DNAI3: variants seen among roughly 807,000 people sequenced by gnomAD.
The protein encoded by DNAI3 is WD repeat domain 63.
Under a neutral mutation model 115.5 loss-of-function variants are expected in DNAI3, and 83 were observed. That is an observed-to-expected ratio of 0.72 (90% CI 0.60 to 0.86). DNAI3 has a LOEUF of 0.86. Among genes scored for constraint, DNAI3 ranks in the 40% least tolerant of loss-of-function variants. The pLI, the probability that DNAI3 is intolerant of heterozygous loss-of-function variation, is 0.00. For missense variants in DNAI3, 1,004 were observed against 1,075.8 expected (o/e 0.93, Z 0.93); for synonymous variants, 320 against 347.0 (o/e 0.92, Z 0.86).
intron 7 of DNAI3, among the ~76,000 whole-genome samples, chr1:85,087,434 CAAA>C (rs1162431713): frequency 4.3e-5 from 2 of 46,654 alleles, no homozygotes; most frequent in African/African-American, 1.7e-4. Context: ...GACTCCATCT[CAAA>C]AAAAAAAAAA....
chr1:85,063,999 A>G (rs1231233303), intron 1 of DNAI3, among the ~76,000 whole-genome samples: 1 of 152,192 alleles, frequency 6.6e-6, no homozygotes, highest in Non-Finnish European at 1.5e-5. Flanking sequence ...TATACTCATC[A>G]TTACCTCACA....
intron 18 of DNAI3, among the ~76,000 whole-genome samples, chr1:85,123,587 T>C (rs1285569960): frequency 6.6e-6 from 1 of 152,234 alleles, no homozygotes; most frequent in Non-Finnish European, 1.5e-5. Flanking sequence ...GCCTACATGA[T>C]GCATCTCCAC....
chr1:85,104,439 C>T, intron 13 of DNAI3, 85 bp from the exon 14 acceptor site: 1 of 1,198,510 alleles, frequency 8.3e-7, no homozygotes, highest in Non-Finnish European at 1.2e-6. Flanking sequence ...CTTTTATTAA[C>T]ATTTAAAACA....
intron 17 of DNAI3, among the ~76,000 whole-genome samples, chr1:85,118,753 G>T (rs1176445203): frequency 6.6e-6 from 1 of 152,116 alleles, no homozygotes; most frequent in Non-Finnish European, 1.5e-5. Flanking sequence ...GCAGACACAT[G>T]ATAAACACCA....
chr1:85,121,694 A>T, intron 17 of DNAI3, 57 bp from the exon 18 acceptor site: 1 of 1,485,744 alleles, frequency 6.7e-7, no homozygotes, highest in Admixed American at 1.8e-5. Context: ...CATGAGTGTG[A>T]AGTCTTTTGT....
At chr1:85,104,138 T>G (rs76369742) in intron 13 of DNAI3, among the ~76,000 whole-genome samples, 47,277 of 142,196 alleles carry the variant, frequency 0.33, 7,971 homozygotes, top group East Asian at 0.42. Flanking sequence ...TTTTTTTTTT[T>G]GGGCTGGAGT....
At chr1:85,073,473 G>A (rs1214902445) in intron 3 of DNAI3, among the ~76,000 whole-genome samples, 2 of 152,170 alleles carry the variant, frequency 1.3e-5, no homozygotes, top group African/African-American at 4.8e-5. Flanking sequence ...AAGGAAAGAG[G>A]CTGGTTTTTA....
intron 17 of DNAI3, among the ~76,000 whole-genome samples, chr1:85,118,218 G>A (rs537835353): frequency 7.2e-5 from 11 of 152,200 alleles, no homozygotes; most frequent in African/African-American, 2.2e-4. Context: ...TAGTAGAAGA[G>A]ACAGAAAAAA....
At chr1:85,094,656 G>A in intron 10 of DNAI3, 101 bp downstream of exon 10, 1 of 1,376,204 alleles carries the variant, frequency 7.3e-7, no homozygotes, top group Non-Finnish European at 9.7e-7. Context: ...ATCATGTAAT[G>A]TTGTAAACAT....
In DNAI3 at chr1:85,104,448, C is replaced by T. The variant is rs1274653030; in HGVS notation, c.1480-76C>T. The stretch of plus-strand genomic sequence containing the variant: ...TATGTTCTTTTATTAACATTTAAAA[C>T]AAAGAAGAAAAGAATTTAAAAGGTA... On this transcript the variant is annotated intron_variant, in intron 13 of 22. Transcript: ENST00000294664. The T allele has an allele frequency of 1.2e-5, 15 of 1,288,816 alleles. No individual in the cohort carries two copies. In the East Asian group the frequency reaches 3.2e-4, roughly 28 times the overall value. The allele number at this position is 1,288,816 out of a possible 1,614,324, so 79.8% of individuals were successfully genotyped here.
chr1:85,121,624 T>A (rs1162099580), intron 17 of DNAI3, 127 bp from the exon 18 acceptor site: 98 of 816,604 alleles, frequency 1.2e-4, no homozygotes, highest in Non-Finnish European at 1.7e-4. Flanking sequence ...CTGGATCAAA[T>A]TACTTGATTA....
Position 85,117,766 on chromosome 1 carries a change from A to C in DNAI3, c.1824A>C (p.Glu608Asp). Residue 608 changes from glutamate to aspartate, a missense_variant, in exon 17 of 23, where the codon GAA becomes GAC. Glu to Asp is a conservative substitution (Grantham distance 45). Transcript: ENST00000294664. ...CACAGAGCAAAACAGAGAAGGCAGA[A>C]GAAATGAACCCGTATCATAATCTGG... ...MLAQSKTEKA[E>D]EMNPYHNLES... 2 of 1,613,944 alleles carry C rather than the reference A, an allele frequency of 1.2e-6. No homozygotes were observed. The highest frequency in any genetic ancestry group is 4.5e-5 in the East Asian group (2 of 44,876).
intron 13 of DNAI3, among the ~76,000 whole-genome samples, chr1:85,101,616 TACTCC>T (rs1655317113): frequency 6.7e-6 from 1 of 149,726 alleles, no homozygotes; most frequent in Non-Finnish European, 1.5e-5. Context: ...TAGTCCCAGC[TACTCC>T]AGAGGCTGAG....
At position 85,126,578 on chromosome 1, in the gene DNAI3, G is replaced by A. The variant is rs540026532; in HGVS notation, c.2180G>A (p.Arg727Gln). The stretch of plus-strand genomic sequence containing the variant: ...ACCTCAGGCCACTGGTCCCTGACTC[G>A]GCCCGGAGTTTTCTACATCGGCCGA... The part of the protein sequence containing the change: ...RYTSGHWSLT[R>Q]PGVFYIGRED... Residue 727 changes from arginine (R) to glutamine (Q), a missense_variant, in exon 20 of 23, where the codon CGG (arginine) becomes CAG (glutamine). Arg to Gln is a conservative substitution (Grantham distance 43, BLOSUM62 1). Coordinates refer to ENST00000294664, the MANE Select transcript of DNAI3 (RefSeq NM_145172.5). 2.4e-5 allele frequency: 39 copies of A among 1,614,082 alleles called. No individual in the cohort carries two copies. The South Asian group carries it at 3.4e-4, about 14-fold the overall frequency.
At chr1:85,072,403 G>A (rs1654301002) in intron 2 of DNAI3, among the ~76,000 whole-genome samples, 1 of 152,172 alleles carries the variant, frequency 6.6e-6, no homozygotes, top group Non-Finnish European at 1.5e-5. Flanking sequence ...CAGCACTTTG[G>A]GAGGCCGAGG....
rs559199388 is a variant in DNAI3 at position 85,105,798 on chromosome 1, C to T, written c.1553+1201C>T. 3.9e-5 allele frequency among the ~76,000 whole-genome samples: 6 copies of T among 152,246 alleles called. No homozygotes were observed. In the East Asian group the frequency reaches 5.8e-4, roughly 15 times the overall value. On this transcript the variant is annotated intron_variant, in intron 14 of 22. Transcript: ENST00000294664. ...TGAATCAGTGCCAATCATTGTGTCCCGCTGCTCAAGATTCAAATTAACTGG... is the reference window on the plus strand; with the variant it reads ...TGAATCAGTGCCAATCATTGTGTCCTGCTGCTCAAGATTCAAATTAACTGG...
intron 19 of DNAI3, among the ~76,000 whole-genome samples, chr1:85,124,782 C>T (rs192588942): frequency 6.6e-6 from 1 of 152,292 alleles, no homozygotes; most frequent in East Asian, 1.9e-4. Flanking sequence ...GATTCACCTG[C>T]CTCGGCCTCC....
At chr1:85,088,344 G>GA (rs879517232) in intron 7 of DNAI3, among the ~76,000 whole-genome samples, 3 of 151,932 alleles carry the variant, frequency 2.0e-5, no homozygotes, top group Admixed American at 6.6e-5. Flanking sequence ...CCCACAAAAT[G>GA]AAAAAACAAT....
At chr1:85,100,998 G>A (rs1000869107) in intron 13 of DNAI3, among the ~76,000 whole-genome samples, 5 of 151,900 alleles carry the variant, frequency 3.3e-5, no homozygotes, top group Non-Finnish European at 5.9e-5. Context: ...AGGGGGGATA[G>A]CATTAGGAGA....
Sources: allele counts gnomAD v4.1 joint callset (sites outside exome capture counted in the v4.1 genomes callset), GRCh38; gene constraint gnomAD v4.1.1; transcripts MANE v1.5; gene names NCBI Gene and HGNC (gene_info 2026-07-23, HGNC 2026-07-21).